Variants in IL23R observed in about 807,000 individuals in gnomAD.
IL23R encodes interleukin 23 receptor.
In IL23R, 34 loss-of-function variants were observed where a neutral mutation model predicts 56.9. The observed-to-expected ratio is 0.60, with a 90% CI of 0.45 to 0.80. The LOEUF is 0.80. Among genes scored for constraint, IL23R ranks in the 30% least tolerant of loss-of-function variants. The pLI, the probability that IL23R is intolerant of heterozygous loss-of-function variation, is 0.00. For missense variants in IL23R, 635 were observed against 730.0 expected (o/e 0.87, Z 1.50); for synonymous variants, 230 against 249.2 (o/e 0.92, Z 0.73).
At chr1:67,243,276 C>A (rs1305630845) in intron 9 of IL23R, among the ~76,000 whole-genome samples, 2 of 151,620 alleles carry the variant, frequency 1.3e-5, no homozygotes, top group African/African-American at 4.9e-5. Context: ...TATATCTAAA[C>A]AATTTTAGTA....
chr1:67,177,504 G>T (rs1258525301), intron 3 of IL23R, among the ~76,000 whole-genome samples: 1 of 152,004 alleles, frequency 6.6e-6, no homozygotes, highest in Non-Finnish European at 1.5e-5. Flanking sequence ...GTTCTTTGTA[G>T]ATTCTGGATA....
intron 6 of IL23R, among the ~76,000 whole-genome samples, chr1:67,216,338 T>C (rs1649830646): frequency 6.6e-6 from 1 of 151,742 alleles, no homozygotes; most frequent in African/African-American, 2.4e-5. Flanking sequence ...TAGCTATTAC[T>C]ATTATTATTA....
intron 1 of IL23R, among the ~76,000 whole-genome samples, chr1:67,166,895 T>C (rs1646879441): frequency 6.6e-6 from 1 of 152,188 alleles, no homozygotes; most frequent in African/African-American, 2.4e-5. Context: ...GAGCCATGCA[T>C]TGCGTTCTCT....
chr1:67,165,660 G>A (rs1465607401), upstream of IL23R, among the ~76,000 whole-genome samples: 3 of 152,174 alleles, frequency 2.0e-5, no homozygotes, highest in East Asian at 1.9e-4. Context: ...CTGCCATTGC[G>A]GTAACATAGA....
intron 7 of IL23R, among the ~76,000 whole-genome samples, chr1:67,223,164 G>C (rs936008819): frequency 2.0e-5 from 3 of 152,168 alleles, no homozygotes; most frequent in African/African-American, 7.2e-5. Flanking sequence ...TGAGGCAGGA[G>C]AATCTCTTGA....
chr1:67,262,087 A>G (rs952862190), downstream of IL23R, among the ~76,000 whole-genome samples: 3 of 152,244 alleles, frequency 2.0e-5, no homozygotes, highest in South Asian at 6.2e-4. Flanking sequence ...ATCACAATGC[A>G]AACTTCGCGG....
chr1:67,242,991 A>G (rs940007475), intron 9 of IL23R, among the ~76,000 whole-genome samples: 3 of 152,196 alleles, frequency 2.0e-5, no homozygotes, highest in African/African-American at 7.2e-5. Flanking sequence ...GTTTATAACT[A>G]TTTTAGTAGT....
intron 4 of IL23R, among the ~76,000 whole-genome samples, chr1:67,188,801 TA>T (rs1003476990): frequency 3.9e-5 from 6 of 152,134 alleles, no homozygotes; most frequent in African/African-American, 9.7e-5. Context: ...ACCTCTTTTA[TA>T]GGGGCACTAA....
At chr1:67,213,136 A>C (rs1570860941) in intron 6 of IL23R, among the ~76,000 whole-genome samples, 1 of 152,150 alleles carries the variant, frequency 6.6e-6, no homozygotes, top group African/African-American at 2.4e-5. Context: ...CTGAGATTAC[A>C]GGTGCGAGCC....
rs771659382 is a variant in IL23R, at chr1:67,200,907, A to T, written c.652+10A>T. The T allele has an allele frequency of 6.2e-7, 1 of 1,613,398 alleles. No individual in the cohort carries two copies. The highest frequency in any genetic ancestry group is 1.3e-5 in the African/African-American group (1 of 75,014). The stretch of plus-strand genomic sequence containing the variant: ...CACCTGGATGATATAGGTAAAGAAT[A>T]AGAAATTCTGTAAGTCTTTAATAAT... On this transcript the variant is annotated intron_variant, in intron 5 of 10. Coordinates refer to ENST00000347310, the MANE Select transcript of IL23R (RefSeq NM_144701.3).
intron 4 of IL23R, among the ~76,000 whole-genome samples, chr1:67,189,603 C>A (rs1647594031): frequency 6.6e-6 from 1 of 152,064 alleles, no homozygotes; most frequent in Non-Finnish European, 1.5e-5. Context: ...GAAACAAACA[C>A]CTATTTATCT....
downstream of IL23R, among the ~76,000 whole-genome samples, chr1:67,264,411 T>C (rs1462925658): frequency 6.6e-6 from 1 of 152,204 alleles, no homozygotes; most frequent in Non-Finnish European, 1.5e-5. Context: ...TTATACCAAT[T>C]ATAGAAGATA....
chr1:67,173,526 C>G (rs74080127), intron 3 of IL23R, among the ~76,000 whole-genome samples: 178 of 152,272 alleles, frequency 1.2e-3, no homozygotes, highest in African/African-American at 4.1e-3. Flanking sequence ...TCCACACCTA[C>G]TTCATTTAAG....
chr1:67,222,193 TG>T (rs1189865242), intron 7 of IL23R, among the ~76,000 whole-genome samples: 1 of 133,982 alleles, frequency 7.5e-6, no homozygotes, highest in Non-Finnish European at 1.6e-5. Flanking sequence ...CTCGGCTCAC[TG>T]CAACCTCCAC....
chr1:67,249,586 A>C (rs1352135126), intron 9 of IL23R, among the ~76,000 whole-genome samples: 1 of 152,176 alleles, frequency 6.6e-6, no homozygotes, highest in Non-Finnish European at 1.5e-5. Flanking sequence ...CAATTTTGGA[A>C]CATATATTAA....
intron 1 of IL23R, among the ~76,000 whole-genome samples, chr1:67,167,875 A>G (rs911425287): frequency 1.3e-5 from 2 of 152,186 alleles, no homozygotes; most frequent in African/African-American, 4.8e-5. Flanking sequence ...AATTCCATTT[A>G]TTTGCTTTAC....
intron 1 of IL23R, among the ~76,000 whole-genome samples, chr1:67,139,850 C>T (rs1237234069): frequency 6.6e-6 from 1 of 152,094 alleles, no homozygotes; most frequent in African/African-American, 2.4e-5. Context: ...TTGGTGGGGC[C>T]TTTAAAAGGT....
rs1023709758 is a variant in IL23R at position 67,206,994 on chromosome 1, C to A, written c.737C>A (p.Thr246Lys). 1 of 1,534,758 alleles carries A rather than the reference C, an allele frequency of 6.5e-7. No individual in the cohort carries two copies. Among genetic ancestry groups the A allele is most frequent in the African/African-American group, 1.4e-5 (1 of 69,878 alleles). ...PKTIIYWDSQTTIEKVSCEMR... is the reference protein window; with the variant it reads ...PKTIIYWDSQKTIEKVSCEMR... Reference sequence around the variant, plus strand: ...ACCATAATTTATTGGGATAGTCAAACAACAATTGAAAAGGTTTCCTGTGAA... The same window carrying A: ...ACCATAATTTATTGGGATAGTCAAAAAACAATTGAAAAGGTTTCCTGTGAA... Residue 246 changes from threonine to lysine, a missense_variant, in exon 6 of 11, where the codon ACA becomes AAA. Coordinates refer to ENST00000347310, the MANE Select transcript of IL23R (RefSeq NM_144701.3).
At chr1:67,255,713 A>C (rs1376578397) in intron 9 of IL23R, 124 bp from the exon 10 acceptor site, 1 of 603,156 alleles carries the variant, frequency 1.7e-6, no homozygotes, top group African/African-American at 1.8e-5. Flanking sequence ...TGCTGGGATT[A>C]CAGGCATGAG....
Sources: allele counts gnomAD v4.1 joint callset (sites outside exome capture counted in the v4.1 genomes callset), GRCh38; gene constraint gnomAD v4.1.1; transcripts MANE v1.5; gene names NCBI Gene and HGNC (gene_info 2026-07-23, HGNC 2026-07-21).